SUGCT: variants seen among roughly 807,000 people sequenced by gnomAD.
The protein encoded by SUGCT is succinyl-CoA:glutarate CoA-transferase.
In SUGCT, 41 loss-of-function variants were observed where a neutral mutation model predicts 55.0. That is an observed-to-expected ratio of 0.74 (90% CI 0.58 to 0.97). The LOEUF (loss-of-function observed/expected upper bound fraction) is 0.97, where lower values mean the gene tolerates loss of function less well. Ranked by LOEUF, SUGCT falls within the 50% of genes least tolerant of loss-of-function variation. The pLI is 0.00. For missense variants in SUGCT, 568 were observed against 547.8 expected (o/e 1.04, Z -0.37); for synonymous variants, 187 against 200.4 (o/e 0.93, Z 0.56).
intron 7 of SUGCT, among the ~76,000 whole-genome samples, chr7:40,238,801 A>G (rs928328352): frequency 2.7e-5 from 4 of 149,760 alleles, no homozygotes; most frequent in Non-Finnish European, 5.9e-5. Flanking sequence ...AAGTCTTAGA[A>G]AAAAATGTGT....
chr7:40,419,712 C>T (rs1172128703), intron 9 of SUGCT, among the ~76,000 whole-genome samples: 1 of 152,132 alleles, frequency 6.6e-6, no homozygotes, highest in Non-Finnish European at 1.5e-5. Context: ...GATGAGATCC[C>T]AGAGATAGTG....
chr7:40,606,573 T>C (rs1798546976), intron 12 of SUGCT, among the ~76,000 whole-genome samples: 2 of 152,230 alleles, frequency 1.3e-5, no homozygotes, highest in African/African-American at 4.8e-5. Flanking sequence ...ACAGTTTCAT[T>C]AACTGCTTTT....
intron 1 of SUGCT, among the ~76,000 whole-genome samples, chr7:40,175,467 G>GCCT (rs1412345827): frequency 6.6e-6 from 1 of 152,108 alleles, no homozygotes; most frequent in Non-Finnish European, 1.5e-5. Context: ...TGATCCGCCT[G>GCCT]CCTCCTCCTC....
chr7:40,936,264 C>T, the SUGCT span, among the ~76,000 whole-genome samples: 1 of 130,930 alleles, frequency 7.6e-6, no homozygotes, highest in Non-Finnish European at 1.8e-5. Flanking sequence ...CTAATTTAAT[C>T]TCCTTATCTT....
chr7:40,226,907 C>G (rs1469418456), intron 6 of SUGCT, among the ~76,000 whole-genome samples: 1 of 151,164 alleles, frequency 6.6e-6, no homozygotes, highest in Non-Finnish European at 1.5e-5. Context: ...AAACTTTTGT[C>G]TCAAACAAAC....
intron 13 of SUGCT, among the ~76,000 whole-genome samples, chr7:40,795,800 G>A (rs777618496): frequency 1.3e-5 from 2 of 152,060 alleles, no homozygotes; most frequent in Non-Finnish European, 2.9e-5. Flanking sequence ...CCCCTATTAC[G>A]GAAAATGGAC....
intron 12 of SUGCT, among the ~76,000 whole-genome samples, chr7:40,719,658 A>T (rs1340146557): frequency 6.6e-6 from 1 of 152,186 alleles, no homozygotes; most frequent in Non-Finnish European, 1.5e-5. Context: ...ACAGAGGGAG[A>T]ACTGGGGTGA....
chr7:40,926,639 T>C, the SUGCT span, among the ~76,000 whole-genome samples: 1 of 152,098 alleles, frequency 6.6e-6, no homozygotes, highest in Non-Finnish European at 1.5e-5. Context: ...GTGTTTATAA[T>C]AAGAGACACC....
intron 9 of SUGCT, among the ~76,000 whole-genome samples, chr7:40,348,824 A>G (rs868245935): frequency 6.6e-6 from 1 of 152,058 alleles, no homozygotes; most frequent in Non-Finnish European, 1.5e-5. Context: ...GTCTATCTCT[A>G]TTGTAATTTC....
chr7:40,142,677 G>C (rs1038054926), intron 1 of SUGCT, among the ~76,000 whole-genome samples: 4 of 152,160 alleles, frequency 2.6e-5, no homozygotes, highest in Non-Finnish European at 5.9e-5. Context: ...TAACTCATTG[G>C]ACACAGCACT....
chr7:40,936,086 C>T, the SUGCT span, among the ~76,000 whole-genome samples: 1 of 151,880 alleles, frequency 6.6e-6, no homozygotes, highest in Non-Finnish European at 1.5e-5. Context: ...GAGTTATTTG[C>T]CTTTTATTTT....
chr7:40,824,436 G>C (rs1281978713), intron 13 of SUGCT, among the ~76,000 whole-genome samples: 1 of 150,238 alleles, frequency 6.7e-6, no homozygotes, highest in Admixed American at 6.6e-5. Flanking sequence ...CACTTGTGCA[G>C]ATAAAGGAGT....
At chr7:40,688,622 G>A (rs1165240475) in intron 12 of SUGCT, among the ~76,000 whole-genome samples, 2 of 151,890 alleles carry the variant, frequency 1.3e-5, no homozygotes, top group African/African-American at 4.8e-5. Context: ...AAGACAATAT[G>A]AAAAATAAAA....
At chr7:40,991,910 G>A in the SUGCT span, among the ~76,000 whole-genome samples, 2 of 151,996 alleles carry the variant, frequency 1.3e-5, no homozygotes, top group African/African-American at 4.8e-5. Context: ...CAGTGGTGAG[G>A]GGAACATCTG....
chr7:40,598,920 G>A (rs1798158268), intron 12 of SUGCT, among the ~76,000 whole-genome samples: 1 of 152,296 alleles, frequency 6.6e-6, no homozygotes, highest in Admixed American at 6.5e-5. Flanking sequence ...AGGGGATAAT[G>A]ATTCTTAATA....
At chr7:40,951,809 T>A in the SUGCT span, among the ~76,000 whole-genome samples, 2 of 152,306 alleles carry the variant, frequency 1.3e-5, no homozygotes, top group East Asian at 3.9e-4. Context: ...TGCACTGTGG[T>A]CTGAGAGACA....
intron 11 of SUGCT, 35 bp from the exon 12 acceptor site, chr7:40,496,249 C>T: frequency 7.1e-7 from 1 of 1,401,040 alleles, no homozygotes; most frequent in East Asian, 2.3e-5. Flanking sequence ...ACATTCCTTC[C>T]TGTGTAAAAA....
At chr7:40,372,251 A>T (rs17171700) in intron 9 of SUGCT, among the ~76,000 whole-genome samples, 2 of 152,074 alleles carry the variant, frequency 1.3e-5, no homozygotes, top group Non-Finnish European at 2.9e-5. Flanking sequence ...CTGTGTCTTT[A>T]TTAGTCATCT....
chr7:40,622,695 ATGTGTGTGTGTGTTTG>A (rs999998413), intron 12 of SUGCT, among the ~76,000 whole-genome samples: 10 of 151,186 alleles, frequency 6.6e-5, no homozygotes, highest in African/African-American at 2.4e-4. Flanking sequence ...ACTTAATAGG[ATGTGTGTGTGTGTTTG>A]TGTGTGTGTG....
Sources: allele counts gnomAD v4.1 joint callset (sites outside exome capture counted in the v4.1 genomes callset), GRCh38; gene constraint gnomAD v4.1.1; transcripts MANE v1.5; gene names NCBI Gene and HGNC (gene_info 2026-07-23, HGNC 2026-07-21).